Variants in ZNF468 observed in about 807,000 individuals in gnomAD.
ZNF468 encodes the protein zinc finger protein ZNF468.
A neutral mutation model predicts 7.2 loss-of-function variants in ZNF468; 8 were observed. The ratio of observed to expected loss-of-function variants is 1.11; its 90% confidence interval spans 0.65 to 2.01. The LOEUF (loss-of-function observed/expected upper bound fraction) is 2.01. Ranked by LOEUF, ZNF468 falls within the 30% of genes most tolerant of loss-of-function variation. The pLI is 0.00. For missense variants in ZNF468, 608 were observed against 626.5 expected, an observed-to-expected ratio of 0.97 and a Z score of 0.31; for synonymous variants, 218 against 214.4, an observed-to-expected ratio of 1.02 and a Z score of -0.15.
intron 2 of ZNF468, chr19:52,854,051 A>C: frequency 6.7e-7 from 1 of 1,501,904 alleles, no homozygotes; most frequent in Non-Finnish European, 8.9e-7. Flanking sequence ...CCTTCCCAGG[A>C]CCTGCCCAGT....
At chr19:52,843,445 C>T (rs2063321144) in intron 3 of ZNF468, among the ~76,000 whole-genome samples, 1 of 152,018 alleles carries the variant, frequency 6.6e-6, no homozygotes, top group Non-Finnish European at 1.5e-5. Context: ...GTTGGCCAGG[C>T]TGGTCTCGAA....
chr19:52,840,632 C>T lies in ZNF468; in HGVS notation c.*93G>A. Reference sequence around the variant, plus strand: ...TTTTGATTAAAAACCTTGCCACATTCATTATGCTTGTAAGGTTTCTCTCCA... The same window carrying T: ...TTTTGATTAAAAACCTTGCCACATTTATTATGCTTGTAAGGTTTCTCTCCA... On this transcript the variant is annotated 3_prime_UTR_variant, in exon 4 of 4. Transcript: ENST00000595646. The T allele has an allele frequency of 2.5e-6, 4 of 1,593,100 alleles. No homozygotes were observed. The Admixed American group carries it at 6.7e-5, about 27-fold the overall frequency.
intron 3 of ZNF468, 94 bp from the exon 4 acceptor site, chr19:52,842,245 T>C: frequency 1.7e-6 from 2 of 1,170,336 alleles, no homozygotes; most frequent in African/African-American, 1.6e-5. Flanking sequence ...ACAATACTTA[T>C]TTTCAACTTC....
chr19:52,845,633 C>T (rs541565634), intron 3 of ZNF468, among the ~76,000 whole-genome samples: 4 of 151,762 alleles, frequency 2.6e-5, no homozygotes, highest in African/African-American at 7.3e-5. Flanking sequence ...CACTCCAGCC[C>T]GGGCAAGAGA....
At chr19:52,854,176 C>T in intron 2 of ZNF468, 82 bp downstream of exon 2, 1 of 1,608,640 alleles carries the variant, frequency 6.2e-7, no homozygotes, top group Non-Finnish European at 8.5e-7. Flanking sequence ...GCAGGTCATT[C>T]AGACCCAGAC....
At chr19:52,857,080 T>C (rs55961734) in intron 1 of ZNF468, among the ~76,000 whole-genome samples, 72,230 of 149,358 alleles carry the variant, frequency 0.48, 17,420 homozygotes, top group Admixed American at 0.56. Flanking sequence ...GGAGGGGAGA[T>C]CTGGGGAGCA....
chr19:52,856,978 A>C (rs764157338), intron 1 of ZNF468, among the ~76,000 whole-genome samples: 88 of 151,592 alleles, frequency 5.8e-4, no homozygotes, highest in East Asian at 5.7e-3. Context: ...CGCATTTTCC[A>C]AGTGCTGGAG....
chr19:52,841,260 T>A lies in ZNF468; in HGVS notation c.1034A>T (p.His345Leu). ...AFAYNSYLAKHTILHTGEKPY... is the reference protein window; with the variant it reads ...AFAYNSYLAKLTILHTGEKPY... ...TTTCTCTCCAGTGTGAAGTATAGTA[T>A]GTTTTGCCAGATATGAATTATATGC... Residue 345 changes from histidine to leucine, a missense_variant, in exon 4 of 4, where the codon CAT (histidine) becomes CTT (leucine). Coordinates refer to ENST00000595646, the MANE Select transcript of ZNF468 (RefSeq NM_001008801.2). 1 of 1,613,978 alleles carries A rather than the reference T, an allele frequency of 6.2e-7. No homozygotes were observed. Among genetic ancestry groups the A allele is most frequent in the Non-Finnish European group, 8.5e-7 (1 of 1,179,970 alleles).
At chr19:52,851,577 A>G (rs546188621) in intron 2 of ZNF468, among the ~76,000 whole-genome samples, 1 of 152,182 alleles carries the variant, frequency 6.6e-6, no homozygotes, top group African/African-American at 2.4e-5. Flanking sequence ...TTCGCTCAAA[A>G]AATAAAAATT....
chr19:52,846,372 G>GT (rs1345032425), intron 3 of ZNF468, among the ~76,000 whole-genome samples: 5 of 152,066 alleles, frequency 3.3e-5, no homozygotes, highest in African/African-American at 2.4e-5. Context: ...GCTAACTTTT[G>GT]TAATTTTAGT....
chr19:52,846,057 T>C (rs1056903515), intron 3 of ZNF468, among the ~76,000 whole-genome samples: 2 of 152,128 alleles, frequency 1.3e-5, no homozygotes, highest in African/African-American at 4.8e-5. Context: ...AACTGGCATA[T>C]GTATACCTTT....
In ZNF468 at chr19:52,838,899, T is replaced by C. The variant is rs1062967; in HGVS notation, c.*1826A>G. On this transcript the variant is annotated 3_prime_UTR_variant, in exon 4 of 4. Transcript: ENST00000595646. Reference sequence around the variant, plus strand: ...TGAATATCGCTCAATGATTATATACTCAATTGTGATTTAGATTCGGTACAA... The same window carrying C: ...TGAATATCGCTCAATGATTATATACCCAATTGTGATTTAGATTCGGTACAA... 81,718 of 151,846 alleles carry C rather than the reference T, an allele frequency of 0.54. 23,611 individuals are homozygous for C. The highest frequency in any genetic ancestry group is 0.75 in the African/African-American group (31,026 of 41,418). 9.4% of individuals were successfully genotyped at this position (151,846 alleles called of 1,614,324 possible). A position where few individuals can be genotyped will look rare whatever the true frequency, so the allele number is the denominator to read the frequency against.
rs373278173 is a variant in ZNF468, at chr19:52,840,837, C to G, written c.1457G>C (p.Arg486Pro). 1.3e-6 allele frequency: 2 copies of G among 1,594,156 alleles called. No individual in the cohort carries two copies. The highest frequency in any genetic ancestry group is 1.7e-5 in the Admixed American group (1 of 58,018). Reference protein sequence around the residue: ...FGQTSSLIIHRRLHTGEKPYK... With the variant: ...FGQTSSLIIHPRLHTGEKPYK... ...AGGTTTCTCTCCAGTATGAAGCCTA[C>G]GATGGATTATAAGCGATGATGTCTG... is the stretch of plus-strand genomic sequence containing the variant. Residue 486 changes from arginine (R) to proline (P), a missense_variant, in exon 4 of 4, where the codon CGT becomes CCT. Arg to Pro is a moderately radical substitution (Grantham distance 103). Coordinates refer to ENST00000595646, the MANE Select transcript of ZNF468 (RefSeq NM_001008801.2).
chr19:52,849,123 C>T lies in ZNF468; in HGVS notation c.106G>A (p.Val36Met), dbSNP rs148606594. 20 of 1,613,866 alleles carry T rather than the reference C, an allele frequency of 1.2e-5. No individual in the cohort carries two copies. The highest frequency in any genetic ancestry group is 6.7e-5 in the Admixed American group (4 of 59,982). ...DPAQRTLYRD[V>M]MLENYRNLVS... ...AGGTTCCTATAATTCTCCAGCATCA[C>T]GTCCCTGTATAAAGTCCTCTGAGCA... Residue 36 changes from valine (V) to methionine (M), a missense_variant, in exon 3 of 4, where the codon GTG becomes ATG. Transcript: ENST00000595646.
At chr19:52,855,438 A>T (rs1348975524) in intron 1 of ZNF468, among the ~76,000 whole-genome samples, 8 of 152,258 alleles carry the variant, frequency 5.3e-5, no homozygotes. Flanking sequence ...ACTGGGGCAG[A>T]GGGAGTCAGA....
chr19:52,840,620 C>A lies in ZNF468; in HGVS notation c.*105G>T, dbSNP rs2063286753. 2 of 1,576,896 alleles carry A rather than the reference C, an allele frequency of 1.3e-6. No individual in the cohort carries two copies. Among genetic ancestry groups the A allele is most frequent in the Non-Finnish European group, 1.7e-6 (2 of 1,147,280 alleles). On this transcript the variant is annotated 3_prime_UTR_variant, in exon 4 of 4. Transcript: ENST00000595646. ...GCAAAGGTTGCTTTTTGATTAAAAA[C>A]CTTGCCACATTCATTATGCTTGTAA...
intron 2 of ZNF468, among the ~76,000 whole-genome samples, chr19:52,849,921 T>G (rs1159777213): frequency 6.6e-6 from 1 of 151,610 alleles, no homozygotes; most frequent in Non-Finnish European, 1.5e-5. Context: ...ATAAAATAAA[T>G]GAAAACAAAA....
intron 2 of ZNF468, among the ~76,000 whole-genome samples, chr19:52,851,492 G>A (rs1481255608): frequency 6.6e-6 from 1 of 151,806 alleles, no homozygotes; most frequent in Non-Finnish European, 1.5e-5. Flanking sequence ...CAGGAAAACT[G>A]CTTGAACTGG....
Position 52,840,545 on chromosome 19 carries a change from A to T in ZNF468, c.*180T>A. 1 of 1,263,910 alleles carries T rather than the reference A, an allele frequency of 7.9e-7. No homozygotes were observed. The highest frequency in any genetic ancestry group is 1.1e-6 in the Non-Finnish European group (1 of 878,884). 78.3% of individuals were successfully genotyped at this position (1,263,910 alleles called of 1,614,324 possible). ...ATTTACAACTGAAAACTTTTGTCAC[A>T]TTCCTCCCATTTGTAAGGTTTCTCT... On this transcript the variant is annotated 3_prime_UTR_variant, in exon 4 of 4. Coordinates refer to ENST00000595646, the MANE Select transcript of ZNF468 (RefSeq NM_001008801.2).
Sources: allele counts gnomAD v4.1 joint callset (sites outside exome capture counted in the v4.1 genomes callset), GRCh38; gene constraint gnomAD v4.1.1; transcripts MANE v1.5; gene names NCBI Gene and HGNC (gene_info 2026-07-23, HGNC 2026-07-21).